The following CNTN1 variants were observed in gnomAD, a reference collection of about 807,000 sequenced individuals.
The protein encoded by CNTN1 is contactin-1.
In CNTN1, 38 loss-of-function variants were observed where a neutral mutation model predicts 126.4. The ratio of observed to expected loss-of-function variants is 0.30; its 90% CI spans 0.23 to 0.39. The LOEUF is 0.39. CNTN1 is among the 10% of genes least tolerant of loss of function. CNTN1 has a pLI of 1.00. For synonymous variants in CNTN1, 413 were observed against 422.6 expected (o/e 0.98, Z 0.28); for missense variants, 1,009 against 1,248.4 (o/e 0.81, Z 2.89).
intron 23 of CNTN1, among the ~76,000 whole-genome samples, chr12:41,044,590 AT>A (rs2120980064): frequency 6.6e-6 from 1 of 152,178 alleles, no homozygotes; most frequent in East Asian, 1.9e-4. Flanking sequence ...AAATAACTGC[AT>A]TTGGTGATGT....
chr12:40,871,208 A>AC (rs1943481103), intron 1 of CNTN1, among the ~76,000 whole-genome samples: 1 of 121,452 alleles, frequency 8.2e-6, no homozygotes, highest in Non-Finnish European at 1.8e-5. Flanking sequence ...AAAAAAAAAA[A>AC]AAAAAACAGA....
chr12:41,038,737 G>C (rs1181552272), intron 23 of CNTN1, among the ~76,000 whole-genome samples: 1 of 151,986 alleles, frequency 6.6e-6, no homozygotes, highest in East Asian at 1.9e-4. Context: ...TTTAAAGCGA[G>C]GAGGCAAAAT....
In CNTN1 at chr12:40,939,359, A is replaced by G. The variant is rs753190428; in HGVS notation, c.1253A>G (p.Asn418Ser). Residue 418 changes from asparagine (N) to serine (S), a missense_variant, in exon 12 of 24, where the codon AAT becomes AGT. Coordinates refer to ENST00000551295, the MANE Select transcript of CNTN1 (RefSeq NM_001843.4). ...ILALAPTFEM[N>S]PMKKKILAAK... Reference sequence around the variant, plus strand: ...GCGTTGGCTCCAACTTTTGAAATGAATCCTATGAAGAAAAAGATCCTGGCT... The same window carrying G: ...GCGTTGGCTCCAACTTTTGAAATGAGTCCTATGAAGAAAAAGATCCTGGCT... 3 of 1,613,920 alleles carry G rather than the reference A, an allele frequency of 1.9e-6. No homozygotes were observed. The highest frequency in any genetic ancestry group is 1.7e-5 in the Admixed American group (1 of 59,946).
chr12:40,767,760 A>G (rs1254274081), intron 1 of CNTN1, among the ~76,000 whole-genome samples: 1 of 152,136 alleles, frequency 6.6e-6, no homozygotes, highest in African/African-American at 2.4e-5. Flanking sequence ...TGTTACTTAA[A>G]TACTACTTGA....
chr12:40,965,867 C>G (rs886806779), intron 15 of CNTN1, among the ~76,000 whole-genome samples: 5 of 151,638 alleles, frequency 3.3e-5, no homozygotes, highest in Admixed American at 3.3e-4. Context: ...TATGGCAGGC[C>G]AAAATAAATT....
chr12:40,813,297 T>C (rs774360306), intron 1 of CNTN1, among the ~76,000 whole-genome samples: 7 of 151,570 alleles, frequency 4.6e-5, no homozygotes, highest in Non-Finnish European at 1.0e-4. Flanking sequence ...ACATGTGTCA[T>C]GGTGGTTTGC....
intron 1 of CNTN1, among the ~76,000 whole-genome samples, chr12:40,853,847 T>C (rs898290427): frequency 6.6e-6 from 1 of 151,810 alleles, no homozygotes; most frequent in Non-Finnish European, 1.5e-5. Context: ...CATATCAAGT[T>C]ATTTTGAATA....
At chr12:40,747,321 G>GTGTGTGTGTGTGTA in intron 1 of CNTN1, among the ~76,000 whole-genome samples, 1 of 151,916 alleles carries the variant, frequency 6.6e-6, no homozygotes, top group Middle Eastern at 3.4e-3. Context: ...GTGTGTGTGT[G>GTGTGTGTGTGTGTA]TGTGTGTGTG....
chr12:40,816,606 T>C (rs1179170093), intron 1 of CNTN1, among the ~76,000 whole-genome samples: 3 of 151,948 alleles, frequency 2.0e-5, no homozygotes, highest in Non-Finnish European at 4.4e-5. Flanking sequence ...CCTGAATTCA[T>C]TGATTTTTTT....
intron 1 of CNTN1, among the ~76,000 whole-genome samples, chr12:40,699,246 G>T (rs1217874930): frequency 1.3e-5 from 2 of 152,026 alleles, no homozygotes; most frequent in East Asian, 1.9e-4. Context: ...ATTTTCTGAA[G>T]AAATGAATAA....
chr12:40,731,768 T>A lies in CNTN1; in HGVS notation c.-77+39176T>A, dbSNP rs561040001. ...TCAAATTGCCACTATTGACCATTTC[T>A]AATCAACAAAAACAGTGAATTCAAA... On this transcript the variant is annotated intron_variant, in intron 1 of 23. Coordinates refer to ENST00000551295, the MANE Select transcript of CNTN1 (RefSeq NM_001843.4). 5.1e-4 allele frequency among the ~76,000 whole-genome samples: 77 copies of A among 152,042 alleles called. 1 individual carries two copies. The South Asian group carries it at 6.6e-3, about 13-fold the overall frequency.
intron 17 of CNTN1, among the ~76,000 whole-genome samples, chr12:41,012,044 C>G (rs1458505670): frequency 6.6e-6 from 1 of 152,034 alleles, no homozygotes; most frequent in Non-Finnish European, 1.5e-5. Flanking sequence ...AGTAGAGAGG[C>G]GTAAAAAGGG....
chr12:40,720,166 A>T (rs1241395356), intron 1 of CNTN1, among the ~76,000 whole-genome samples: 1 of 151,778 alleles, frequency 6.6e-6, no homozygotes, highest in East Asian at 1.9e-4. Flanking sequence ...TGGCTTTCTT[A>T]GACTTGTCTA....
rs1264099728 is a variant in CNTN1 at position 41,032,056 on chromosome 12, A to G, written c.2980+2837A>G. ...TTGTTCATTCATTCATTCAACAAAT[A>G]GACATTAAATGCCTACAATACAGCA... is the stretch of plus-strand genomic sequence containing the variant. On this transcript the variant is annotated intron_variant, in intron 23 of 23. Transcript: ENST00000551295. Among the ~76,000 whole-genome samples the G allele has an allele frequency of 2.6e-5, 4 of 152,336 alleles. No individual in the cohort carries two copies. In the East Asian group the frequency reaches 7.7e-4, roughly 29 times the overall value.
chr12:40,999,563 C>T (rs1948303616), intron 17 of CNTN1, among the ~76,000 whole-genome samples: 1 of 152,020 alleles, frequency 6.6e-6, no homozygotes, highest in Admixed American at 6.6e-5. Context: ...GTGTCAATTC[C>T]ACCTGTGAAA....
intron 23 of CNTN1, among the ~76,000 whole-genome samples, chr12:41,050,637 T>A (rs1203069310): frequency 2.0e-5 from 3 of 152,204 alleles, no homozygotes; most frequent in Non-Finnish European, 4.4e-5. Flanking sequence ...ATCATATGCC[T>A]TGATTATTTA....
At chr12:40,872,949 C>T (rs901096179) in intron 1 of CNTN1, among the ~76,000 whole-genome samples, 2 of 152,034 alleles carry the variant, frequency 1.3e-5, no homozygotes, top group Admixed American at 6.6e-5. Context: ...TTAAAAAATG[C>T]ATAAACTTAG....
At chr12:40,725,192 G>T (rs1942317944) in intron 1 of CNTN1, among the ~76,000 whole-genome samples, 1 of 151,930 alleles carries the variant, frequency 6.6e-6, no homozygotes, top group Admixed American at 6.6e-5. Context: ...ACCTGAGGTT[G>T]GGAGTTCGAG....
intron 1 of CNTN1, among the ~76,000 whole-genome samples, chr12:40,708,070 C>T (rs1397302381): frequency 6.6e-6 from 1 of 152,094 alleles, no homozygotes; most frequent in Non-Finnish European, 1.5e-5. Flanking sequence ...TTTGAAGTTA[C>T]ATTTTCTTCC....
Sources: allele counts gnomAD v4.1 joint callset (sites outside exome capture counted in the v4.1 genomes callset), GRCh38; gene constraint gnomAD v4.1.1; transcripts MANE v1.5; gene names NCBI Gene and HGNC (gene_info 2026-07-23, HGNC 2026-07-21).